SEMA3C: variants seen among roughly 807,000 people sequenced by gnomAD.
SEMA3C encodes semaphorin 3C.
Under a neutral mutation model 89.4 loss-of-function variants are expected in SEMA3C, and 47 were observed. That is an observed-to-expected ratio of 0.53 (90% CI 0.42 to 0.67). The LOEUF (loss-of-function observed/expected upper bound fraction) is 0.67. SEMA3C is among the 30% of genes least tolerant of loss of function. The probability of loss-of-function intolerance (pLI) is 0.00; values close to 1 mark genes in which losing one functional copy is unlikely to be tolerated. For missense variants in SEMA3C, 839 were observed against 929.1 expected (o/e 0.90, Z 1.26); for synonymous variants, 310 against 320.2 (o/e 0.97, Z 0.34).
In SEMA3C at chr7:80,833,217, G is replaced by A. The variant is rs182510810; in HGVS notation, c.104-4472C>T. On this transcript the variant is annotated intron_variant, in intron 2 of 17. Coordinates refer to ENST00000265361, the MANE Select transcript of SEMA3C (RefSeq NM_006379.5). Reference sequence around the variant, plus strand: ...TGGGAGGCAGAGGCAGGTGGATCACGAGGTCAGGAGATCGAGACTACACTG... The same window carrying A: ...TGGGAGGCAGAGGCAGGTGGATCACAAGGTCAGGAGATCGAGACTACACTG... Among the ~76,000 whole-genome samples, 407 of 151,254 alleles carry A rather than the reference G, an allele frequency of 2.7e-3. 3 individuals are homozygous for A. Among genetic ancestry groups the A allele is most frequent in the African/African-American group, 8.8e-3 (364 of 41,174 alleles).
chr7:80,836,692 A>AAACG (rs1313590231), intron 2 of SEMA3C, among the ~76,000 whole-genome samples: 1 of 151,942 alleles, frequency 6.6e-6, no homozygotes, highest in Admixed American at 6.6e-5. Flanking sequence ...ACAAACAAAC[A>AAACG]AACAAACAAA....
At chr7:80,856,536 G>GAAA (rs397970593) in intron 2 of SEMA3C, among the ~76,000 whole-genome samples, 14 of 49,162 alleles carry the variant, frequency 2.8e-4, no homozygotes, top group African/African-American at 5.8e-4. Context: ...ATTGGTTAAG[G>GAAA]AAAAAAAAAA....
chr7:80,809,489 G>A (rs1429173877), intron 6 of SEMA3C, among the ~76,000 whole-genome samples: 1 of 152,028 alleles, frequency 6.6e-6, no homozygotes, highest in African/African-American at 2.4e-5. Flanking sequence ...AGTTTTTGGG[G>A]GAATGTTCAT....
At chr7:80,838,385 T>C (rs1016381850) in intron 2 of SEMA3C, among the ~76,000 whole-genome samples, 1 of 152,180 alleles carries the variant, frequency 6.6e-6, no homozygotes, top group African/African-American at 2.4e-5. Context: ...TTTTCACTGC[T>C]TACACATATT....
intron 2 of SEMA3C, chr7:80,915,634 G>C (rs1264793032): frequency 2.0e-5 from 3 of 151,820 alleles, no homozygotes; most frequent in African/African-American, 7.3e-5. Flanking sequence ...CCCAGCTACT[G>C]GGTAGGCTGA....
intron 2 of SEMA3C, among the ~76,000 whole-genome samples, chr7:80,867,856 T>C (rs141651728): frequency 1.3e-3 from 205 of 152,238 alleles, no homozygotes; most frequent in Middle Eastern, 3.4e-3. Flanking sequence ...TGATGATCAA[T>C]TGGAACTGAG....
At chr7:80,785,693 C>A (rs985010205) in intron 12 of SEMA3C, among the ~76,000 whole-genome samples, 2 of 152,228 alleles carry the variant, frequency 1.3e-5, no homozygotes, top group African/African-American at 4.8e-5. Context: ...AATCTTCACT[C>A]ACCACAACCT....
In SEMA3C at chr7:80,745,045, A is replaced by G. The variant is rs746822520; in HGVS notation, c.2105T>C (p.Met702Thr). 1.9e-6 allele frequency: 3 copies of G among 1,614,082 alleles called. No homozygotes were observed. Among genetic ancestry groups the G allele is most frequent in the South Asian group, 2.2e-5 (2 of 91,080 alleles). ...DIMGAFSHSE[M>T]QMINQYCKDT... ...TTTGCAATATTGGTTAATCATCTGC[A>G]TTTCTGAGTGGCTGAATGCCCCCAT... The change falls in exon 18 of 18, where the codon ATG (methionine) becomes ACG (threonine). Residue 702 changes from methionine (M) to threonine (T), a missense_variant. Coordinates refer to ENST00000265361, the MANE Select transcript of SEMA3C (RefSeq NM_006379.5).
At chr7:80,832,404 T>C (rs1790027876) in intron 2 of SEMA3C, among the ~76,000 whole-genome samples, 1 of 152,192 alleles carries the variant, frequency 6.6e-6, no homozygotes, top group African/African-American at 2.4e-5. Context: ...GCTCCTTTCA[T>C]GAGGAGACAC....
chr7:80,849,779 A>C (rs934721700), intron 2 of SEMA3C, among the ~76,000 whole-genome samples: 1 of 152,152 alleles, frequency 6.6e-6, no homozygotes, highest in African/African-American at 2.4e-5. Flanking sequence ...AGTACAAATC[A>C]TAAAGAAAAG....
intron 3 of SEMA3C, 60 bp from the exon 4 acceptor site, chr7:80,827,547 C>T (rs1789905984): frequency 1.5e-6 from 2 of 1,351,332 alleles, no homozygotes; most frequent in Non-Finnish European, 1.0e-6. Context: ...CAGCCCAGTG[C>T]TCTTCATTTA....
intron 4 of SEMA3C, among the ~76,000 whole-genome samples, chr7:80,819,868 C>T (rs1789702271): frequency 6.6e-6 from 1 of 152,098 alleles, no homozygotes; most frequent in South Asian, 2.1e-4. Flanking sequence ...ATAATTCAAT[C>T]AAGCCTGAGA....
intron 2 of SEMA3C, among the ~76,000 whole-genome samples, chr7:80,908,809 A>C (rs1388946611): frequency 6.6e-6 from 1 of 152,194 alleles, no homozygotes; most frequent in Non-Finnish European, 1.5e-5. Context: ...TTGCACTAAA[A>C]GCTGTCACTA....
intron 2 of SEMA3C, among the ~76,000 whole-genome samples, chr7:80,896,282 C>T (rs1791735559): frequency 6.6e-6 from 1 of 152,074 alleles, no homozygotes; most frequent in Non-Finnish European, 1.5e-5. Context: ...TCAGTAAAAT[C>T]AGGAAAATAA....
chr7:80,778,724 T>C (rs755608404), intron 12 of SEMA3C, among the ~76,000 whole-genome samples: 2 of 152,234 alleles, frequency 1.3e-5, no homozygotes, highest in African/African-American at 4.8e-5. Context: ...CAAATGTTAC[T>C]AGCATGTAAG....
upstream of SEMA3C, chr7:80,919,286 C>G: frequency 1.0e-6 from 1 of 984,044 alleles, no homozygotes; most frequent in South Asian, 4.7e-5. Flanking sequence ...CGCGGCTGGC[C>G]AGACGCAAGA....
intron 4 of SEMA3C, 33 bp downstream of exon 4, chr7:80,827,392 G>GTTTTTTTTTT: frequency 8.1e-7 from 1 of 1,232,220 alleles, no homozygotes; most frequent in South Asian, 1.8e-5. Flanking sequence ...TTAAGTTAGT[G>GTTTTTTTTTT]TTTTTTTTTT....
At chr7:80,849,457 C>T (rs1790461852) in intron 2 of SEMA3C, among the ~76,000 whole-genome samples, 1 of 151,786 alleles carries the variant, frequency 6.6e-6, no homozygotes, top group African/African-American at 2.4e-5. Context: ...ATCATTATCT[C>T]TATTTCATGC....
At chr7:80,773,057 T>A (rs1480237002) in intron 12 of SEMA3C, among the ~76,000 whole-genome samples, 1 of 152,218 alleles carries the variant, frequency 6.6e-6, no homozygotes, top group East Asian at 1.9e-4. Flanking sequence ...AAAAACAGTA[T>A]AATTTTTTAA....
Sources: allele counts gnomAD v4.1 joint callset (sites outside exome capture counted in the v4.1 genomes callset), GRCh38; gene constraint gnomAD v4.1.1; transcripts MANE v1.5; gene names NCBI Gene and HGNC (gene_info 2026-07-23, HGNC 2026-07-21).